The following BCKDHB variants were observed in gnomAD, a reference collection of about 807,000 sequenced individuals.
The protein encoded by BCKDHB is 2-oxoisovalerate dehydrogenase subunit beta, mitochondrial.
A neutral mutation model predicts 48.5 loss-of-function variants in BCKDHB; 41 were observed. The ratio of observed to expected loss-of-function variants is 0.85; its 90% CI spans 0.66 to 1.10. The LOEUF (loss-of-function observed/expected upper bound fraction) is 1.10, where lower values mean the gene tolerates loss of function less well. Ranked by LOEUF, BCKDHB falls within the 50% of genes least tolerant of loss-of-function variation. The pLI is 0.00. For synonymous variants in BCKDHB, 201 were observed against 174.8 expected (o/e 1.15, Z -1.18); for missense variants, 496 against 494.2 (o/e 1.00, Z -0.03).
chr6:80,155,677 T>C (rs1294281976), intron 3 of BCKDHB, among the ~76,000 whole-genome samples: 1 of 152,120 alleles, frequency 6.6e-6, no homozygotes, highest in Non-Finnish European at 1.5e-5. Context: ...CTTAATTTAC[T>C]TAAAGAACAC....
chr6:80,277,241 A>G (rs1466196232), intron 9 of BCKDHB, among the ~76,000 whole-genome samples: 3 of 152,104 alleles, frequency 2.0e-5, no homozygotes, highest in Non-Finnish European at 4.4e-5. Context: ...TTGTTTCAGA[A>G]AATTATATGA....
the BCKDHB span, among the ~76,000 whole-genome samples, chr6:80,359,633 C>T: frequency 1.3e-5 from 2 of 152,288 alleles, no homozygotes; most frequent in Admixed American, 6.5e-5. Flanking sequence ...CTCCCTCTGT[C>T]GCCAAGGCTG....
At chr6:80,192,212 A>G (rs1348350905) in intron 6 of BCKDHB, among the ~76,000 whole-genome samples, 2 of 152,174 alleles carry the variant, frequency 1.3e-5, no homozygotes, top group African/African-American at 4.8e-5. Flanking sequence ...AATGGTTCAT[A>G]CAATAATGAT....
chr6:80,266,557 G>A (rs1777522275), intron 8 of BCKDHB, among the ~76,000 whole-genome samples: 2 of 152,054 alleles, frequency 1.3e-5, no homozygotes, highest in South Asian at 2.1e-4. Context: ...CTAACTCAGT[G>A]TTTGTGTATT....
the BCKDHB span, among the ~76,000 whole-genome samples, chr6:80,408,725 C>T: frequency 6.7e-6 from 1 of 150,154 alleles, no homozygotes; most frequent in East Asian, 1.9e-4. Flanking sequence ...TTTTTTATTG[C>T]ATCTATTTGA....
the BCKDHB span, chr6:80,453,400 A>G: frequency 6.6e-6 from 1 of 152,304 alleles, no homozygotes; most frequent in East Asian, 1.9e-4. Context: ...AGGGAAATGC[A>G]ATTTCCCTTC....
At chr6:80,282,241 A>G (rs972981978) in intron 9 of BCKDHB, among the ~76,000 whole-genome samples, 1 of 152,168 alleles carries the variant, frequency 6.6e-6, no homozygotes, top group Non-Finnish European at 1.5e-5. Flanking sequence ...TAAAAATGTA[A>G]TATCGTTTGT....
intron 3 of BCKDHB, among the ~76,000 whole-genome samples, chr6:80,167,170 A>G (rs189528895): frequency 1.3e-5 from 2 of 151,826 alleles, no homozygotes; most frequent in African/African-American, 4.8e-5. Context: ...CTGAAAGTCT[A>G]CTTTGCCTGC....
At chr6:80,374,102 A>G in the BCKDHB span, 3 of 703,086 alleles carry the variant, frequency 4.3e-6, no homozygotes, top group East Asian at 5.8e-5. Flanking sequence ...GTTTAGGAGC[A>G]ATCTGTTCCT....
intron 8 of BCKDHB, among the ~76,000 whole-genome samples, chr6:80,241,795 A>T (rs1050858167): frequency 6.6e-6 from 1 of 152,180 alleles, no homozygotes. Flanking sequence ...GTTGTGATCA[A>T]TCTGATTGTG....
At chr6:80,203,832 C>G (rs1381969669) in intron 8 of BCKDHB, among the ~76,000 whole-genome samples, 1 of 151,994 alleles carries the variant, frequency 6.6e-6, no homozygotes, top group African/African-American at 2.4e-5. Flanking sequence ...TAGTTTAGCT[C>G]TCATTTACCT....
intron 9 of BCKDHB, among the ~76,000 whole-genome samples, chr6:80,340,478 A>G (rs1769830834): frequency 6.6e-6 from 1 of 152,222 alleles, no homozygotes; most frequent in African/African-American, 2.4e-5. Flanking sequence ...GAGAAAGACC[A>G]TAAACGAACA....
chr6:80,357,894 C>CT, the BCKDHB span, among the ~76,000 whole-genome samples: 3 of 152,172 alleles, frequency 2.0e-5, no homozygotes, highest in African/African-American at 7.2e-5. Flanking sequence ...TGTATCCATG[C>CT]TTTTTTCTTC....
the BCKDHB span, among the ~76,000 whole-genome samples, chr6:80,455,667 C>T: frequency 1.3e-5 from 2 of 151,900 alleles, no homozygotes; most frequent in African/African-American, 4.8e-5. Flanking sequence ...ATATCCCCTA[C>T]AGGACCGGAT....
chr6:80,210,203 C>T (rs1335261883), intron 8 of BCKDHB, among the ~76,000 whole-genome samples: 1 of 148,182 alleles, frequency 6.7e-6, no homozygotes, highest in East Asian at 2.0e-4. Context: ...ACACTGTAAA[C>T]TGCCGAAGTA....
chr6:80,454,746 C>T, the BCKDHB span, among the ~76,000 whole-genome samples: 5 of 152,042 alleles, frequency 3.3e-5, no homozygotes, highest in Non-Finnish European at 7.4e-5. Flanking sequence ...TAGGCAAGAC[C>T]ACACAGAATC....
At chr6:80,136,204 T>C (rs1184665346) in intron 3 of BCKDHB, among the ~76,000 whole-genome samples, 1 of 152,250 alleles carries the variant, frequency 6.6e-6, no homozygotes, top group East Asian at 1.9e-4. Flanking sequence ...ACAGTTCTTT[T>C]TTTCAAAACT....
At chr6:80,301,528 C>A (rs927239951) in intron 9 of BCKDHB, among the ~76,000 whole-genome samples, 6 of 152,048 alleles carry the variant, frequency 3.9e-5, no homozygotes, top group Admixed American at 3.9e-4. Context: ...GAAATTGAAT[C>A]ATTAAGCGCC....
chr6:80,246,445 C>T (rs1431950459), intron 8 of BCKDHB, among the ~76,000 whole-genome samples: 1 of 152,166 alleles, frequency 6.6e-6, no homozygotes, highest in African/African-American at 2.4e-5. Flanking sequence ...ATGGTTACTC[C>T]TTGCTGTTTC....
Sources: gnomAD v4.1 joint callset for allele counts (sites outside exome capture counted in the v4.1 genomes callset) on GRCh38, gnomAD v4.1.1 for gene constraint, MANE v1.5 for transcripts, NCBI Gene and HGNC (gene_info 2026-07-23, HGNC 2026-07-21) for gene names.